Variants in PLPPR4 observed in about 807,000 individuals in gnomAD.
PLPPR4 encodes phospholipid phosphatase related 4.
A neutral mutation model predicts 56.6 loss-of-function variants in PLPPR4; 24 were observed. That is an observed-to-expected ratio of 0.42 (90% CI 0.31 to 0.60). The LOEUF is 0.60. Ranked by LOEUF, PLPPR4 falls within the 20% of genes least tolerant of loss-of-function variation. The pLI, the probability that PLPPR4 is intolerant of heterozygous loss-of-function variation, is 0.13. For synonymous variants in PLPPR4, 326 were observed against 328.1 expected (o/e 0.99, Z 0.07); for missense variants, 654 against 885.8 (o/e 0.74, Z 3.32).
At chr1:99,264,447 T>C, upstream of PLPPR4, 2 of 1,484,002 alleles carry the variant, frequency 1.3e-6, no homozygotes, top group Non-Finnish European at 1.8e-6. Context: ...GCGGGGGCGC[T>C]GCATGCAGCG....
intron 3 of PLPPR4, among the ~76,000 whole-genome samples, chr1:99,298,246 G>A (rs1659792806): frequency 6.6e-6 from 1 of 152,098 alleles, no homozygotes; most frequent in Non-Finnish European, 1.5e-5. Context: ...TGAATCTAGG[G>A]TGACAAGAAA....
At chr1:99,263,682 TGAA>T (rs149127262), upstream of PLPPR4, among the ~76,000 whole-genome samples, 65 of 152,326 alleles carry the variant, frequency 4.3e-4, 1 homozygote, top group East Asian at 0.011. Flanking sequence ...GCCAACAAGA[TGAA>T]GGACTTTAGA....
chr1:99,268,133 A>T (rs1181136638), intron 1 of PLPPR4, among the ~76,000 whole-genome samples: 1 of 152,244 alleles, frequency 6.6e-6, no homozygotes, highest in East Asian at 1.9e-4. Flanking sequence ...TCACATAGGC[A>T]AAGTTACTTT....
At chr1:99,264,864 G>A (rs931836984) in intron 1 of PLPPR4, among the ~76,000 whole-genome samples, 193 bp downstream of exon 1, 10 of 152,148 alleles carry the variant, frequency 6.6e-5, no homozygotes, top group Non-Finnish European at 1.0e-4. Context: ...CTGTCAGCCC[G>A]GGGTGATTAC....
Position 99,308,307 on chromosome 1 carries a change from T to C in PLPPR4, c.*1297T>C, listed in dbSNP as rs1290809709. ...TCTCACGGTACAAATTAAGAATGAC[T>C]TTCTTCAAAATATCTGAATAGGTGC... is the stretch of plus-strand genomic sequence containing the variant. On this transcript the variant is annotated 3_prime_UTR_variant, in exon 7 of 7. Transcript: ENST00000370185. 2.6e-5 allele frequency: 4 copies of C among 152,192 alleles called. No homozygotes were observed. The highest frequency in any genetic ancestry group is 9.7e-5 in the African/African-American group (4 of 41,440). The allele number at this position is 152,192 out of a possible 1,614,324, so 9.4% of individuals were successfully genotyped here. A position where few individuals can be genotyped will look rare whatever the true frequency, so the allele number is the denominator to read the frequency against.
At chr1:99,264,445 G>C (rs903521467), upstream of PLPPR4, 2 of 1,479,604 alleles carry the variant, frequency 1.4e-6, no homozygotes, top group Non-Finnish European at 1.8e-6. Context: ...AGGCGGGGGC[G>C]CTGCATGCAG....
At chr1:99,302,074 C>T (rs1659894665) in intron 6 of PLPPR4, among the ~76,000 whole-genome samples, 177 bp downstream of exon 6, 1 of 152,042 alleles carries the variant, frequency 6.6e-6, no homozygotes, top group African/African-American at 2.4e-5. Context: ...ATTTATTGAA[C>T]TCTTACTATG....
At position 99,306,701 on chromosome 1, in the gene PLPPR4, C is replaced by A. The variant is rs1375592492; in HGVS notation, c.1839C>A (p.Tyr613Ter). Residue 613 changes from tyrosine to a stop codon, truncating the protein, a stop_gained, in exon 7 of 7, where the codon TAC (tyrosine) becomes TAA (stop). Transcript: ENST00000370185. LOFTEE classifies it high-confidence loss of function. This position sits in a 1 kb window ranked among gnomAD's most constrained non-coding sequence, Gnocchi z 4.0. The stretch of plus-strand genomic sequence containing the variant: ...AAAAGGGCAGCCTTCGCCAAACTTA[C>A]GAGCTCAACGATCTCAACAGGGACT... The part of the protein sequence containing the change: ...APEKGSLRQT[Y>*]ELNDLNRDSE... The A allele has an allele frequency of 1.2e-6, 2 of 1,613,946 alleles. No individual in the cohort carries two copies.
In PLPPR4 at chr1:99,265,646, G is replaced by C. The variant is rs528768426; in HGVS notation, c.78+975G>C. Among the ~76,000 whole-genome samples, 4 of 152,356 alleles carry C rather than the reference G, an allele frequency of 2.6e-5. No individual in the cohort carries two copies. The East Asian group carries it at 5.8e-4, about 22-fold the overall frequency. ...GTTTAGTTAGAGTCTGGGTTGCATAGAGAATTATAAGACTGTTGCTGAATC... is the reference window on the plus strand; with the variant it reads ...GTTTAGTTAGAGTCTGGGTTGCATACAGAATTATAAGACTGTTGCTGAATC... On this transcript the variant is annotated intron_variant, in intron 1 of 6. Transcript: ENST00000370185.
At chr1:99,303,672 A>T (rs1337608089) in intron 6 of PLPPR4, among the ~76,000 whole-genome samples, 2 of 152,198 alleles carry the variant, frequency 1.3e-5, no homozygotes, top group African/African-American at 2.4e-5. Flanking sequence ...TATTACCAAA[A>T]TACAGGTAAA....
In PLPPR4 at chr1:99,306,496, C is replaced by T; in HGVS notation, c.1634C>T (p.Pro545Leu). ...CAGCAGGGTGTCCTCCAAAGCAGCCCCAAGAACACTGAAGGCAGCACGGTC... is the reference window on the plus strand; with the variant it reads ...CAGCAGGGTGTCCTCCAAAGCAGCCTCAAGAACACTGAAGGCAGCACGGTC... ...SKQQGVLQSS[P>L]KNTEGSTVSC... The change falls in exon 7 of 7, where the codon CCC becomes CTC. Residue 545 changes from proline (P) to leucine (L), a missense_variant. Pro to Leu is a moderately conservative substitution (Grantham distance 98, BLOSUM62 -3). Transcript: ENST00000370185. The surrounding 1 kb of genome is among the most constrained non-coding windows in gnomAD (Gnocchi z 4.0). The T allele has an allele frequency of 6.2e-7, 1 of 1,614,140 alleles. No homozygotes were observed. The highest frequency in any genetic ancestry group is 8.5e-7 in the Non-Finnish European group (1 of 1,180,016).
At position 99,299,576 on chromosome 1, in the gene PLPPR4, C is replaced by T. The variant is rs187233607; in HGVS notation, c.590+346C>T. 1.5e-3 allele frequency among the ~76,000 whole-genome samples: 235 copies of T among 152,092 alleles called. 1 individual carries two copies. Among genetic ancestry groups the T allele is most frequent in the African/African-American group, 5.4e-3 (226 of 41,510 alleles). ...CAGTCATGGCTGGCAGTCAATATAACTCTTGTACTGGTTTAAAAACTAAAC... is the reference window on the plus strand; with the variant it reads ...CAGTCATGGCTGGCAGTCAATATAATTCTTGTACTGGTTTAAAAACTAAAC... On this transcript the variant is annotated intron_variant, in intron 4 of 6. Coordinates refer to ENST00000370185, the MANE Select transcript of PLPPR4 (RefSeq NM_014839.5).
intron 2 of PLPPR4, among the ~76,000 whole-genome samples, chr1:99,292,491 G>C (rs1291172392): frequency 2.0e-5 from 3 of 152,164 alleles, no homozygotes; most frequent in Non-Finnish European, 4.4e-5. Context: ...ACTCCTTCCA[G>C]AAAGGTGCCA....
intron 1 of PLPPR4, among the ~76,000 whole-genome samples, chr1:99,265,147 C>CG (rs998123917): frequency 7.7e-5 from 3 of 39,084 alleles, no homozygotes; most frequent in Admixed American, 2.6e-4. Flanking sequence ...TGCTCCTGCC[C>CG]CCCCCCCCCA....
intron 1 of PLPPR4, among the ~76,000 whole-genome samples, chr1:99,269,946 G>T (rs895180441): frequency 6.6e-6 from 1 of 151,406 alleles, no homozygotes; most frequent in African/African-American, 2.4e-5. Context: ...TTCCAATTCA[G>T]AATATTTTAA....
At chr1:99,288,273 CTT>C (rs2100798701) in intron 2 of PLPPR4, 123 bp downstream of exon 2, 1 of 787,164 alleles carries the variant, frequency 1.3e-6, no homozygotes, top group East Asian at 2.7e-5. Context: ...AAAGTCATGT[CTT>C]TGAGATATAT....
chr1:99,271,271 T>C (rs1317234889), intron 1 of PLPPR4, among the ~76,000 whole-genome samples: 1 of 152,240 alleles, frequency 6.6e-6, no homozygotes, highest in Non-Finnish European at 1.5e-5. Context: ...TTGTTATCTT[T>C]ATTTTTTGAA....
chr1:99,280,348 T>C (rs761008857), intron 1 of PLPPR4, among the ~76,000 whole-genome samples: 2 of 151,466 alleles, frequency 1.3e-5, no homozygotes, highest in Non-Finnish European at 2.9e-5. Context: ...AGATTGAATA[T>C]AGCGATCTTT....
At position 99,266,499 on chromosome 1, in the gene PLPPR4, C is replaced by T. The variant is rs368069877; in HGVS notation, c.78+1828C>T. Among the ~76,000 whole-genome samples, 12 of 152,244 alleles carry T rather than the reference C, an allele frequency of 7.9e-5. No homozygotes were observed. In the East Asian group the frequency reaches 2.3e-3, roughly 29 times the overall value. On this transcript the variant is annotated intron_variant, in intron 1 of 6. Transcript: ENST00000370185. The stretch of plus-strand genomic sequence containing the variant: ...AAGAATTTTAAAAGTACAAGTGCCT[C>T]ATAATGCAATTGAATTGTGTGTTTA...
Sources: gnomAD v4.1 joint callset for allele counts (sites outside exome capture counted in the v4.1 genomes callset) on GRCh38, gnomAD v4.1.1 for gene constraint, Gnocchi (gnomAD v3.1) non-coding constraint, MANE v1.5 for transcripts, NCBI Gene and HGNC (gene_info 2026-07-23, HGNC 2026-07-21) for gene names.